The following BMPR2 variants were observed in gnomAD, a reference collection of about 807,000 sequenced individuals.
BMPR2 encodes bone morphogenetic protein receptor type 2.
Under a neutral mutation model 100.8 loss-of-function variants are expected in BMPR2, and 29 were observed. That is an observed-to-expected ratio of 0.29 (90% confidence interval 0.21 to 0.39). BMPR2 has a LOEUF of 0.39. Among genes scored for constraint, BMPR2 ranks in the 10% least tolerant of loss-of-function variants. The probability of loss-of-function intolerance (pLI) is 1.00; values close to 1 mark genes in which losing one functional copy is unlikely to be tolerated. For synonymous variants in BMPR2, 382 were observed against 442.3 expected (o/e 0.86, Z 1.71); for missense variants, 1,011 against 1,274.5 (o/e 0.79, Z 3.15).
At position 202,556,741 on chromosome 2, in the gene BMPR2, G is replaced by A. The variant is rs549461172; in HGVS notation, c.2866+210G>A. Among the ~76,000 whole-genome samples the A allele has an allele frequency of 2.6e-4, 39 of 152,268 alleles. No homozygotes were observed. In the South Asian group the frequency reaches 7.5e-3, roughly 29 times the overall value. ...GGAGGTGGATCACCTGAGGTCAGGA[G>A]TTCAAGACCAACCTGGCCAACATGG... is the stretch of plus-strand genomic sequence containing the variant. On this transcript the variant is annotated intron_variant, in intron 12 of 12. Coordinates refer to ENST00000374580, the MANE Select transcript of BMPR2 (RefSeq NM_001204.7).
At chr2:202,523,670 G>T (rs922593017) in intron 7 of BMPR2, among the ~76,000 whole-genome samples, 1 of 152,138 alleles carries the variant, frequency 6.6e-6, no homozygotes, top group Admixed American at 6.5e-5. Context: ...CGGGGGTGGT[G>T]GTGCATGCCT....
chr2:202,442,528 T>C lies in BMPR2; in HGVS notation c.77-22281T>C, dbSNP rs982259063. Reference sequence around the variant, plus strand: ...ATTGCCAACAACATGCACATTGTTATGCAACAGATGCCCAGGATCCCCCTA... The same window carrying C: ...ATTGCCAACAACATGCACATTGTTACGCAACAGATGCCCAGGATCCCCCTA... On this transcript the variant is annotated intron_variant, in intron 1 of 12. Transcript: ENST00000374580. Among the ~76,000 whole-genome samples, 51 of 150,498 alleles carry C rather than the reference T, an allele frequency of 3.4e-4. 3 individuals carry two copies. Among genetic ancestry groups the C allele is most frequent in the African/African-American group, 1.2e-3 (48 of 39,850 alleles).
At position 202,555,559 on chromosome 2, in the gene BMPR2, A is replaced by T. The variant is rs746112095; in HGVS notation, c.1894A>T (p.Met632Leu). Residue 632 changes from methionine to leucine, a missense_variant, in exon 12 of 13, where the codon ATG becomes TTG. This residue lies in a region of BMPR2 where 508 missense variants were observed against 552.0 expected (regional missense o/e 0.92). Transcript: ENST00000374580. The part of the protein sequence containing the change: ...PSTGMTTISE[M>L]PYPDETNLHT... ...TACTGGCATGACTACTATATCTGAG[A>T]TGCCATACCCAGATGAAACAAATCT... The T allele has an allele frequency of 6.2e-7, 1 of 1,614,186 alleles. No homozygotes were observed. The highest frequency in any genetic ancestry group is 2.2e-5 in the East Asian group (1 of 44,888).
At chr2:202,413,922 C>T (rs887412577) in intron 1 of BMPR2, among the ~76,000 whole-genome samples, 5 of 152,072 alleles carry the variant, frequency 3.3e-5, no homozygotes, top group Non-Finnish European at 5.9e-5. Flanking sequence ...CCTTAGCCTC[C>T]CAAAGTGCTG....
intron 1 of BMPR2, among the ~76,000 whole-genome samples, chr2:202,414,241 G>A (rs1317834456): frequency 6.6e-6 from 1 of 152,130 alleles, no homozygotes; most frequent in East Asian, 1.9e-4. Context: ...TGTTACTATT[G>A]TAATTGTTTT....
intron 3 of BMPR2, among the ~76,000 whole-genome samples, chr2:202,510,187 G>C (rs1687593193): frequency 6.6e-6 from 1 of 152,186 alleles, no homozygotes; most frequent in African/African-American, 2.4e-5. Flanking sequence ...GGGAGGCCAA[G>C]GTGGGCAGAT....
chr2:202,377,779 C>T (rs1690183379), intron 1 of BMPR2, among the ~76,000 whole-genome samples: 1 of 152,244 alleles, frequency 6.6e-6, no homozygotes. Context: ...ACCCCACCCC[C>T]CTTTACGGGG....
At chr2:202,390,109 A>G (rs918277156) in intron 1 of BMPR2, among the ~76,000 whole-genome samples, 2 of 152,186 alleles carry the variant, frequency 1.3e-5, no homozygotes, top group Non-Finnish European at 2.9e-5. Flanking sequence ...TGCTATAAAT[A>G]AATATCTGTA....
At chr2:202,517,441 C>T (rs1660855897) in intron 5 of BMPR2, among the ~76,000 whole-genome samples, 1 of 151,532 alleles carries the variant, frequency 6.6e-6, no homozygotes, top group Admixed American at 6.6e-5. Flanking sequence ...CAGCCTCAGC[C>T]TCTATGTAGG....
chr2:202,512,717 G>T (rs527259289), intron 3 of BMPR2, among the ~76,000 whole-genome samples: 19 of 152,252 alleles, frequency 1.2e-4, no homozygotes, highest in Non-Finnish European at 2.1e-4. Flanking sequence ...TTACATGTTT[G>T]TGATAGCCCT....
rs1016764045 is a variant in BMPR2 at position 202,503,047 on chromosome 2, C to T, written c.419-10672C>T. On this transcript the variant is annotated intron_variant, in intron 3 of 12. Coordinates refer to ENST00000374580, the MANE Select transcript of BMPR2 (RefSeq NM_001204.7). The surrounding 1 kb of genome is among the most constrained non-coding windows in gnomAD (Gnocchi z 4.0). ...ACAACTTCTACTGAGGACTCCTGGACCGACCCTCTGGCACTTCCCCTGGCC... is the reference window on the plus strand; with the variant it reads ...ACAACTTCTACTGAGGACTCCTGGATCGACCCTCTGGCACTTCCCCTGGCC... Among the ~76,000 whole-genome samples the T allele has an allele frequency of 6.6e-6, 1 of 152,232 alleles. No homozygotes were observed. The highest frequency in any genetic ancestry group is 2.4e-5 in the African/African-American group (1 of 41,450).
chr2:202,451,418 G>T (rs1440987312), intron 1 of BMPR2, among the ~76,000 whole-genome samples: 3 of 152,168 alleles, frequency 2.0e-5, no homozygotes, highest in Non-Finnish European at 4.4e-5. Context: ...TACAATTCCA[G>T]CCGGACACAG....
intron 1 of BMPR2, among the ~76,000 whole-genome samples, chr2:202,410,325 A>G (rs1425278866): frequency 6.6e-6 from 1 of 152,026 alleles, no homozygotes; most frequent in Non-Finnish European, 1.5e-5. Flanking sequence ...ACTAATAAGA[A>G]CCCTTGAGAA....
intron 10 of BMPR2, among the ~76,000 whole-genome samples, chr2:202,546,792 T>C (rs1345650700): frequency 6.6e-6 from 1 of 152,056 alleles, no homozygotes; most frequent in Non-Finnish European, 1.5e-5. Flanking sequence ...TTCGTAGAGA[T>C]GGGGTTTCAC....
chr2:202,485,253 T>C (rs1692749160), intron 3 of BMPR2, among the ~76,000 whole-genome samples: 1 of 152,112 alleles, frequency 6.6e-6, no homozygotes, highest in African/African-American at 2.4e-5. Context: ...CCTGAAACTT[T>C]TTTTTGTAGG....
chr2:202,490,319 TACACACAC>T (rs147025489), intron 3 of BMPR2, among the ~76,000 whole-genome samples: 1 of 150,220 alleles, frequency 6.7e-6, no homozygotes, highest in Non-Finnish European at 1.5e-5. Flanking sequence ...AAAAGGTATG[TACACACAC>T]ACACACACAC....
At chr2:202,405,687 C>CAAAAAAAA (rs397987374) in intron 1 of BMPR2, among the ~76,000 whole-genome samples, 1 of 62,326 alleles carries the variant, frequency 1.6e-5, no homozygotes, top group Non-Finnish European at 3.1e-5. Flanking sequence ...GACTCCGCCT[C>CAAAAAAAA]AAAAAAAAAA....
At chr2:202,393,933 G>GAGAGAGAT (rs1690608813) in intron 1 of BMPR2, among the ~76,000 whole-genome samples, 1 of 121,680 alleles carries the variant, frequency 8.2e-6, no homozygotes. Flanking sequence ...GAGAGAGAGA[G>GAGAGAGAT]ATTCCTGTGA....
At chr2:202,384,691 A>G (rs752434142) in intron 1 of BMPR2, among the ~76,000 whole-genome samples, 1 of 151,452 alleles carries the variant, frequency 6.6e-6, no homozygotes, top group Non-Finnish European at 1.5e-5. Flanking sequence ...CCTCCCGGGT[A>G]CAAGTGATTC....
Sources: gnomAD v4.1 joint callset for allele counts (sites outside exome capture counted in the v4.1 genomes callset) on GRCh38, gnomAD v4.1.1 for gene constraint, gnomAD v4.1.1 regional missense constraint, Gnocchi (gnomAD v3.1) non-coding constraint, MANE v1.5 for transcripts, NCBI Gene and HGNC (gene_info 2026-07-23, HGNC 2026-07-21) for gene names.